MACROD2: variants seen among roughly 807,000 people sequenced by gnomAD.
The protein encoded by MACROD2 is mono-ADP ribosylhydrolase 2.
A neutral mutation model predicts 70.4 loss-of-function variants in MACROD2; 36 were observed. The ratio of observed to expected loss-of-function variants is 0.51; its 90% CI spans 0.39 to 0.68. The LOEUF (loss-of-function observed/expected upper bound fraction) is 0.68, where lower values mean the gene tolerates loss of function less well. Among genes scored for constraint, MACROD2 ranks in the 30% least tolerant of loss-of-function variants. MACROD2 has a pLI of 0.00. For synonymous variants in MACROD2, 172 were observed against 178.8 expected (o/e 0.96, Z 0.30); for missense variants, 496 against 538.4 (o/e 0.92, Z 0.78).
chr20:15,490,450 A>C (rs779887651), intron 7 of MACROD2, among the ~76,000 whole-genome samples: 1 of 151,970 alleles, frequency 6.6e-6, no homozygotes, highest in Non-Finnish European at 1.5e-5. Flanking sequence ...TTGTAGAGAT[A>C]AGATCTCTCT....
intron 8 of MACROD2, among the ~76,000 whole-genome samples, chr20:15,648,719 G>GTGGA (rs200374076): frequency 0.11 from 16,450 of 151,602 alleles, 980 homozygotes; most frequent in South Asian, 0.18. Context: ...TGGATGGATG[G>GTGGA]TGGATGGATG....
intron 6 of MACROD2, among the ~76,000 whole-genome samples, chr20:15,310,795 A>G (rs772106845): frequency 8.5e-5 from 13 of 152,264 alleles, no homozygotes; most frequent in African/African-American, 1.2e-4. Flanking sequence ...TTCCTTTTAC[A>G]TCGCACTCAG....
intron 5 of MACROD2, among the ~76,000 whole-genome samples, chr20:14,902,074 A>G (rs1176303032): frequency 6.6e-6 from 1 of 152,188 alleles, no homozygotes; most frequent in African/African-American, 2.4e-5. Flanking sequence ...AATAACTAAC[A>G]TTTACATGTG....
In MACROD2 at chr20:14,334,795, C is replaced by CTT. The variant is rs11087087; in HGVS notation, c.272-158674_272-158673dup. Among the ~76,000 whole-genome samples the CTT allele has an allele frequency of 4.9e-4, 73 of 148,758 alleles. 1 individual carries two copies. Among genetic ancestry groups the CTT allele is most frequent in the Middle Eastern group, 3.5e-3 (1 of 286 alleles). Reference sequence around the variant, plus strand: ...TTGATTTAAACAGTTATTTCTAATGCTTTTTTTTTTTAAATAAATGGGTTT... The same window carrying CTT: ...TTGATTTAAACAGTTATTTCTAATGCTTTTTTTTTTTTTAAATAAATGGGTTT... On this transcript the variant is annotated intron_variant, in intron 3 of 17. Coordinates refer to ENST00000684519, the MANE Select transcript of MACROD2 (RefSeq NM_001351661.2).
chr20:15,531,636 C>T (rs1033352039), intron 8 of MACROD2, among the ~76,000 whole-genome samples: 5 of 152,088 alleles, frequency 3.3e-5, no homozygotes, highest in African/African-American at 1.2e-4. Flanking sequence ...ACAATAAACT[C>T]TAGATTGGAG....
At chr20:15,654,152 T>G (rs999270706) in intron 8 of MACROD2, among the ~76,000 whole-genome samples, 1 of 152,088 alleles carries the variant, frequency 6.6e-6, no homozygotes, top group African/African-American at 2.4e-5. Flanking sequence ...GCTAAATCAA[T>G]AGGGTTATAA....
chr20:14,076,688 C>T (rs1487333221), intron 2 of MACROD2, among the ~76,000 whole-genome samples: 1 of 151,664 alleles, frequency 6.6e-6, no homozygotes, highest in African/African-American at 2.4e-5. Flanking sequence ...CCTCACCTTC[C>T]ACCCCCCAAA....
intron 8 of MACROD2, among the ~76,000 whole-genome samples, chr20:15,588,490 T>A (rs896756259): frequency 6.6e-6 from 1 of 152,200 alleles, no homozygotes; most frequent in Non-Finnish European, 1.5e-5. Context: ...AAATGGGGTT[T>A]TCTTTTCTAC....
At chr20:15,292,515 G>C (rs1293552704) in intron 6 of MACROD2, among the ~76,000 whole-genome samples, 5 of 152,084 alleles carry the variant, frequency 3.3e-5, no homozygotes, top group African/African-American at 1.2e-4. Context: ...GATTTTGGTG[G>C]GGACACAGCC....
chr20:15,979,184 C>A (rs2066357519), intron 13 of MACROD2, among the ~76,000 whole-genome samples: 1 of 152,314 alleles, frequency 6.6e-6, no homozygotes, highest in Non-Finnish European at 1.5e-5. Flanking sequence ...ATAACCCCAA[C>A]AGTTTCACTG....
intron 8 of MACROD2, among the ~76,000 whole-genome samples, chr20:15,693,161 T>C (rs2050320141): frequency 6.6e-6 from 1 of 152,218 alleles, no homozygotes; most frequent in Non-Finnish European, 1.5e-5. Flanking sequence ...TAGTTCTTTA[T>C]AGCAGTGTGA....
chr20:15,459,718 C>T (rs186046419), intron 7 of MACROD2, among the ~76,000 whole-genome samples: 10 of 152,140 alleles, frequency 6.6e-5, no homozygotes, highest in Admixed American at 3.3e-4. Context: ...TTTCCTCTCC[C>T]GGGAGCCTAT....
At chr20:15,908,098 A>C (rs572628839) in intron 10 of MACROD2, among the ~76,000 whole-genome samples, 1 of 152,144 alleles carries the variant, frequency 6.6e-6, no homozygotes, top group Non-Finnish European at 1.5e-5. Flanking sequence ...ACAGACCATT[A>C]TAATAGCTAA....
At chr20:15,253,498 A>G (rs962540173) in intron 6 of MACROD2, among the ~76,000 whole-genome samples, 1 of 152,238 alleles carries the variant, frequency 6.6e-6, no homozygotes, top group Non-Finnish European at 1.5e-5. Context: ...ACTTATGATT[A>G]AATTATGGTA....
intron 4 of MACROD2, among the ~76,000 whole-genome samples, chr20:14,535,378 A>G (rs2085351157): frequency 6.6e-6 from 1 of 151,262 alleles, no homozygotes; most frequent in African/African-American, 2.4e-5. Flanking sequence ...AGTGGCGGGC[A>G]CTTGTAATCC....
intron 3 of MACROD2, among the ~76,000 whole-genome samples, chr20:14,313,958 A>G (rs73266940): frequency 0.02 from 3,092 of 152,306 alleles, 98 homozygotes; most frequent in African/African-American, 0.071. Context: ...CTTTTTCCCA[A>G]TAAAAGTGAT....
At chr20:15,815,704 T>C (rs2063866494) in intron 8 of MACROD2, among the ~76,000 whole-genome samples, 1 of 152,190 alleles carries the variant, frequency 6.6e-6, no homozygotes, top group Non-Finnish European at 1.5e-5. Context: ...GGAAAAATTA[T>C]CTCCTCAATT....
At chr20:14,797,782 G>A (rs920230181) in intron 5 of MACROD2, among the ~76,000 whole-genome samples, 1 of 152,002 alleles carries the variant, frequency 6.6e-6, no homozygotes, top group Non-Finnish European at 1.5e-5. Flanking sequence ...ATGGGGACCT[G>A]GATGATGCCT....
At chr20:15,014,541 G>C (rs1195110338) in intron 5 of MACROD2, among the ~76,000 whole-genome samples, 1 of 152,172 alleles carries the variant, frequency 6.6e-6, no homozygotes, top group Non-Finnish European at 1.5e-5. Flanking sequence ...GATCACCAGG[G>C]ATCAGAGTTA....
Sources: allele counts gnomAD v4.1 joint callset (sites outside exome capture counted in the v4.1 genomes callset), GRCh38; gene constraint gnomAD v4.1.1; transcripts MANE v1.5; gene names NCBI Gene and HGNC (gene_info 2026-07-23, HGNC 2026-07-21).